The following ASIP variants were observed in gnomAD, a reference collection of about 807,000 sequenced individuals.
ASIP encodes the protein agouti-signaling protein.
In ASIP, 11 loss-of-function variants were observed where a neutral mutation model predicts 10.3. That is an observed-to-expected ratio of 1.07 (90% CI 0.68 to 1.78). The LOEUF is 1.78. Ranked by LOEUF, ASIP falls within the 40% of genes most tolerant of loss-of-function variation. The probability of loss-of-function intolerance (pLI) is 0.00; values close to 1 mark genes in which losing one functional copy is unlikely to be tolerated. For synonymous variants in ASIP, 70 were observed against 70.8 expected, an observed-to-expected ratio of 0.99 and a Z score of 0.06; for missense variants, 180 against 169.2, an observed-to-expected ratio of 1.06 and a Z score of -0.35.
intron 1 of ASIP, among the ~76,000 whole-genome samples, chr20:34,253,307 C>T (rs2035510965): frequency 1.3e-5 from 2 of 151,584 alleles, no homozygotes; most frequent in East Asian, 3.9e-4. Flanking sequence ...GGGGTTTCAC[C>T]ATGTTAGCCA....
At chr20:34,202,383 G>C (rs1267435217) in intron 1 of ASIP, among the ~76,000 whole-genome samples, 1 of 152,094 alleles carries the variant, frequency 6.6e-6, no homozygotes, top group East Asian at 1.9e-4. Context: ...AAATGATTGT[G>C]TCAATCTTGT....
intron 1 of ASIP, among the ~76,000 whole-genome samples, chr20:34,196,475 A>G (rs1281739834): frequency 2.6e-5 from 4 of 152,202 alleles, no homozygotes; most frequent in South Asian, 2.1e-4. Context: ...GCCCGGCTGA[A>G]AAGGAAGATT....
chr20:34,195,145 G>T (rs1446817697), intron 1 of ASIP, among the ~76,000 whole-genome samples: 2 of 146,782 alleles, frequency 1.4e-5, no homozygotes, highest in Non-Finnish European at 2.9e-5. Flanking sequence ...AAAAAAAAAG[G>T]CTGCAGGTCT....
At chr20:34,257,443 T>C (rs6058014) in intron 1 of ASIP, among the ~76,000 whole-genome samples, 19,526 of 152,242 alleles carry the variant, frequency 0.13, 1,341 homozygotes, top group East Asian at 0.22. Flanking sequence ...TAGATGCTGT[T>C]ATTTGAAAAA....
At chr20:34,224,593 C>CA (rs1406700131) in intron 1 of ASIP, among the ~76,000 whole-genome samples, 1 of 152,056 alleles carries the variant, frequency 6.6e-6, no homozygotes, top group African/African-American at 2.4e-5. Context: ...GAGGAGTACC[C>CA]AGATGCAGGC....
intron 1 of ASIP, among the ~76,000 whole-genome samples, chr20:34,201,735 C>T (rs1185828654): frequency 1.3e-5 from 2 of 152,140 alleles, no homozygotes; most frequent in South Asian, 2.1e-4. Flanking sequence ...AATTCTTTGC[C>T]GCAAGGCTGA....
upstream of ASIP, among the ~76,000 whole-genome samples, chr20:34,237,573 A>G (rs2035226932): frequency 1.3e-5 from 2 of 152,194 alleles, no homozygotes; most frequent in East Asian, 1.9e-4. Flanking sequence ...GCTTTTCTAC[A>G]TTTAAGATCA....
In ASIP at chr20:34,245,202, C is replaced by T. The variant is rs538270179; in HGVS notation, c.-11+3713C>T. ...TACAAAAATTAGCTGGGCGTGGTGG[C>T]AGGCGCCTGTAATCCCAGCTACTCA... On this transcript the variant is annotated intron_variant, in intron 1 of 3. Transcript: ENST00000374954. Among the ~76,000 whole-genome samples the T allele has an allele frequency of 2.9e-3, 440 of 151,040 alleles. 1 individual carries two copies. The highest frequency in any genetic ancestry group is 4.6e-3 in the Admixed American group (70 of 15,174).
chr20:34,256,729 C>T (rs1361265505), intron 1 of ASIP, among the ~76,000 whole-genome samples: 1 of 152,126 alleles, frequency 6.6e-6, no homozygotes, highest in South Asian at 2.1e-4. Flanking sequence ...CTACACGTAC[C>T]GCCTCCTAAT....
intron 1 of ASIP, among the ~76,000 whole-genome samples, chr20:34,255,562 A>G (rs956203967): frequency 2.0e-5 from 3 of 152,332 alleles, no homozygotes; most frequent in Admixed American, 6.5e-5. Context: ...CTAGAAATAG[A>G]TTATAGATGT....
chr20:34,240,212 T>C (rs1032472130), upstream of ASIP, among the ~76,000 whole-genome samples: 2 of 152,178 alleles, frequency 1.3e-5, no homozygotes, highest in Admixed American at 6.6e-5. Flanking sequence ...GTGATGGTGG[T>C]AGGCAAAACT....
At position 34,235,893 on chromosome 20, in the gene ASIP, GGAAGGAAA is replaced by G. The variant is rs1393327318; in HGVS notation, c.-10-24470_-10-24463del. On this transcript the variant is annotated intron_variant, in intron 1 of 3. Transcript: ENST00000568305. Reference sequence around the variant, plus strand: ...AGGAAGGAAGGAAGGAAGGAAGGAAGGAAGGAAAGGAAGGAAGGAAGGAAGGAAGGAAG... The same window carrying G: ...AGGAAGGAAGGAAGGAAGGAAGGAAGGGAAGGAAGGAAGGAAGGAAGGAAG... Among the ~76,000 whole-genome samples, 87 of 91,990 alleles carry G rather than the reference GGAAGGAAA, an allele frequency of 9.5e-4. 4 individuals carry two copies. The highest frequency in any genetic ancestry group is 4.0e-3 in the African/African-American group (68 of 16,894). 60.3% of individuals were successfully genotyped at this position (91,990 alleles called of 152,430 possible).
intron 1 of ASIP, among the ~76,000 whole-genome samples, chr20:34,208,918 T>C (rs2034955097): frequency 6.6e-6 from 1 of 152,246 alleles, no homozygotes; most frequent in African/African-American, 2.4e-5. Context: ...TTGTTCACAG[T>C]TGAAATATAG....
intron 1 of ASIP, among the ~76,000 whole-genome samples, chr20:34,257,147 G>A (rs6059741): frequency 0.12 from 17,929 of 148,426 alleles, 1,166 homozygotes; most frequent in East Asian, 0.22. Flanking sequence ...GAAGTGGTAC[G>A]ATCTCAGCTC....
At chr20:34,240,150 G>GA (rs1456633615), upstream of ASIP, among the ~76,000 whole-genome samples, 1 of 152,026 alleles carries the variant, frequency 6.6e-6, no homozygotes, top group Non-Finnish European at 1.5e-5. Flanking sequence ...GGAAAGAAGG[G>GA]AAAAAAAGAG....
chr20:34,213,296 C>A (rs1047412997), intron 1 of ASIP, among the ~76,000 whole-genome samples: 6 of 152,188 alleles, frequency 3.9e-5, no homozygotes, highest in African/African-American at 7.2e-5. Context: ...GAACTGTGAA[C>A]CAATAACTTT....
rs1257462067 is a variant in ASIP, at chr20:34,260,562, C to G, written c.160+28C>G. On this transcript the variant is annotated intron_variant, in intron 2 of 3. Coordinates refer to ENST00000374954, the MANE Select transcript of ASIP (RefSeq NM_001672.3). ...AAGTCACCTAGCCTCTGGGCTCTGG[C>G]CCAGGAGAGGGGCTGCAGGAGATCA... 1.9e-6 allele frequency: 3 copies of G among 1,578,308 alleles called. No individual in the cohort carries two copies. The South Asian group carries it at 3.5e-5, about 18-fold the overall frequency.
At chr20:34,207,731 A>T (rs546991274) in intron 1 of ASIP, among the ~76,000 whole-genome samples, 96 of 151,556 alleles carry the variant, frequency 6.3e-4, no homozygotes, top group African/African-American at 1.0e-3. Flanking sequence ...GTATAGTTTA[A>T]TTCTTCTTCA....
At chr20:34,262,100 GA>G (rs1413648763) in intron 2 of ASIP, among the ~76,000 whole-genome samples, 6 of 151,860 alleles carry the variant, frequency 4.0e-5, no homozygotes, top group Non-Finnish European at 8.8e-5. Flanking sequence ...GCAACAGAGT[GA>G]GACTCTGTCT....
Sources: gnomAD v4.1 joint callset for allele counts (sites outside exome capture counted in the v4.1 genomes callset) on GRCh38, gnomAD v4.1.1 for gene constraint, MANE v1.5 for transcripts, NCBI Gene and HGNC (gene_info 2026-07-23, HGNC 2026-07-21) for gene names.